ADAM23: variants seen among roughly 807,000 people sequenced by gnomAD.
ADAM23 encodes ADAM metallopeptidase domain 23, also known as disintegrin and metalloproteinase domain-containing protein 23.
Under a neutral mutation model 120.1 loss-of-function variants are expected in ADAM23, and 33 were observed. That is an observed-to-expected ratio of 0.27 (90% CI 0.21 to 0.37). The LOEUF (loss-of-function observed/expected upper bound fraction) is 0.37. Among genes scored for constraint, ADAM23 ranks in the 10% least tolerant of loss-of-function variants. The probability of loss-of-function intolerance (pLI) is 1.00; values close to 1 mark genes in which losing one functional copy is unlikely to be tolerated. For synonymous variants in ADAM23, 367 were observed against 375.2 expected, an observed-to-expected ratio of 0.98 and a Z score of 0.25; for missense variants, 862 against 1,058.2, an observed-to-expected ratio of 0.81 and a Z score of 2.57.
chr2:206,588,757 G>A (rs144599229), intron 20 of ADAM23, among the ~76,000 whole-genome samples: 11 of 152,274 alleles, frequency 7.2e-5, no homozygotes, highest in South Asian at 4.1e-4. Context: ...TGAGAAATGC[G>A]TCTGCCTTTC....
chr2:206,475,978 G>C (rs1695766076), intron 2 of ADAM23, among the ~76,000 whole-genome samples: 1 of 152,160 alleles, frequency 6.6e-6, no homozygotes, highest in Non-Finnish European at 1.5e-5. Flanking sequence ...TGTATACAGT[G>C]TAGCTGCTGT....
At chr2:206,460,191 G>A (rs978039022) in intron 2 of ADAM23, among the ~76,000 whole-genome samples, 1 of 151,974 alleles carries the variant, frequency 6.6e-6, no homozygotes, top group South Asian at 2.1e-4. Flanking sequence ...TGGTTGGCAG[G>A]AAGTGCTCTT....
intron 24 of ADAM23, among the ~76,000 whole-genome samples, chr2:206,599,720 C>G (rs1379386239): frequency 6.6e-6 from 1 of 152,250 alleles, no homozygotes; most frequent in Non-Finnish European, 1.5e-5. Flanking sequence ...ATATTACACT[C>G]TTCTCTTTTG....
intron 2 of ADAM23, among the ~76,000 whole-genome samples, chr2:206,450,333 A>G (rs936074948): frequency 6.6e-6 from 1 of 152,216 alleles, no homozygotes; most frequent in Non-Finnish European, 1.5e-5. Flanking sequence ...AGCCTTCCCA[A>G]GTTTTCCAGG....
At chr2:206,537,467 G>A (rs1030949710) in intron 4 of ADAM23, among the ~76,000 whole-genome samples, 10 of 152,088 alleles carry the variant, frequency 6.6e-5, no homozygotes, top group African/African-American at 1.9e-4. Context: ...GAGTCTGGCC[G>A]AGGTGCTGTA....
At chr2:206,513,703 C>T (rs1696673925) in intron 3 of ADAM23, among the ~76,000 whole-genome samples, 1 of 152,190 alleles carries the variant, frequency 6.6e-6, no homozygotes, top group Non-Finnish European at 1.5e-5. Flanking sequence ...GAAGAAGACT[C>T]CATCTAGGAC....
chr2:206,578,063 CT>C (rs1468878410), intron 18 of ADAM23, among the ~76,000 whole-genome samples: 1 of 152,154 alleles, frequency 6.6e-6, no homozygotes, highest in Non-Finnish European at 1.5e-5. Context: ...AGGTTTTTTT[CT>C]AACTGAAACA....
rs1248146361 is a variant in ADAM23, at chr2:206,617,817, C to T, written c.*190C>T. 4 of 1,206,112 alleles carry T rather than the reference C, an allele frequency of 3.3e-6. No homozygotes were observed. Among genetic ancestry groups the T allele is most frequent in the Admixed American group, 6.1e-5 (2 of 33,048 alleles). 74.7% of individuals were successfully genotyped at this position (1,206,112 alleles called of 1,614,324 possible). On this transcript the variant is annotated 3_prime_UTR_variant, in exon 26 of 26. Coordinates refer to ENST00000264377, the MANE Select transcript of ADAM23 (RefSeq NM_003812.4). The stretch of plus-strand genomic sequence containing the variant: ...CTTTTGGAAATAATGTCAAAGAACA[C>T]CTTTCACCACCTGTCAGTAAACGGG...
chr2:206,577,013 C>G (rs1698128711), intron 18 of ADAM23, among the ~76,000 whole-genome samples: 1 of 152,120 alleles, frequency 6.6e-6, no homozygotes, highest in Non-Finnish European at 1.5e-5. Flanking sequence ...GCATAATGTA[C>G]AAGGAAGGTT....
chr2:206,524,395 C>T lies in ADAM23; in HGVS notation c.510-6490C>T, dbSNP rs550321477. The stretch of plus-strand genomic sequence containing the variant: ...AGCTTCCTGACTTCCACAACTTACA[C>T]TGCTGACTCCTCTTGCCCAGATCCA... On this transcript the variant is annotated intron_variant, in intron 3 of 25. Coordinates refer to ENST00000264377, the MANE Select transcript of ADAM23 (RefSeq NM_003812.4). Among the ~76,000 whole-genome samples, 4 of 152,326 alleles carry T rather than the reference C, an allele frequency of 2.6e-5. No homozygotes were observed. In the South Asian group the frequency reaches 8.3e-4, roughly 32 times the overall value.
At chr2:206,615,778 C>A (rs1203022613) in intron 25 of ADAM23, among the ~76,000 whole-genome samples, 3 of 152,214 alleles carry the variant, frequency 2.0e-5, no homozygotes, top group Non-Finnish European at 2.9e-5. Flanking sequence ...GCTTCAAAAA[C>A]CAGCTTTTAA....
chr2:206,589,558 C>CCCGCT, intron 21 of ADAM23, 44 bp downstream of exon 21: 1 of 1,508,502 alleles, frequency 6.6e-7, no homozygotes, highest in Non-Finnish European at 9.0e-7. Context: ...ACTTGGAAGC[C>CCCGCT]CTTCTTATGC....
chr2:206,484,702 C>A (rs1036673430), intron 3 of ADAM23, among the ~76,000 whole-genome samples: 2 of 152,118 alleles, frequency 1.3e-5, no homozygotes, highest in Non-Finnish European at 2.9e-5. Flanking sequence ...GAGAGAGAGG[C>A]CATGAGAGCT....
At chr2:206,523,223 T>C (rs1696879579) in intron 3 of ADAM23, among the ~76,000 whole-genome samples, 1 of 152,212 alleles carries the variant, frequency 6.6e-6, no homozygotes, top group African/African-American at 2.4e-5. Flanking sequence ...GACCATTACC[T>C]GAGATGCAGG....
intron 9 of ADAM23, among the ~76,000 whole-genome samples, chr2:206,556,575 A>G (rs1697647368): frequency 6.6e-6 from 1 of 152,182 alleles, no homozygotes; most frequent in African/African-American, 2.4e-5. Flanking sequence ...ATGGTAGACC[A>G]GTTTTCAAAT....
At chr2:206,588,216 C>A in intron 20 of ADAM23, 62 bp downstream of exon 20, 2 of 1,557,130 alleles carry the variant, frequency 1.3e-6, no homozygotes, top group South Asian at 1.1e-5. Context: ...GTGTTCTTCT[C>A]TGCCAGTCTT....
At chr2:206,509,752 AT>A (rs1696583923) in intron 3 of ADAM23, among the ~76,000 whole-genome samples, 1 of 152,132 alleles carries the variant, frequency 6.6e-6, no homozygotes, top group Non-Finnish European at 1.5e-5. Context: ...CCCAGCCTGT[AT>A]TTTCTTTACC....
chr2:206,576,510 A>G (rs1306804689), intron 18 of ADAM23, among the ~76,000 whole-genome samples: 1 of 152,044 alleles, frequency 6.6e-6, no homozygotes, highest in African/African-American at 2.4e-5. Flanking sequence ...TTTTGCTAAT[A>G]TTTTTCTAGC....
At chr2:206,521,769 G>A (rs138838313) in intron 3 of ADAM23, among the ~76,000 whole-genome samples, 2 of 152,104 alleles carry the variant, frequency 1.3e-5, no homozygotes, top group Non-Finnish European at 2.9e-5. Context: ...ATTGTTTTTT[G>A]TCTAGTCATT....
Sources: allele counts gnomAD v4.1 joint callset (sites outside exome capture counted in the v4.1 genomes callset), GRCh38; gene constraint gnomAD v4.1.1; transcripts MANE v1.5; gene names NCBI Gene and HGNC (gene_info 2026-07-23, HGNC 2026-07-21).